Variants in LRRC27 observed in about 807,000 individuals in gnomAD.
LRRC27 encodes the protein leucine rich repeat containing 27, also known as leucine-rich repeat-containing protein 27.
In LRRC27, 57 loss-of-function variants were observed where a neutral mutation model predicts 55.0. That is an observed-to-expected ratio of 1.04 (90% CI 0.84 to 1.29). The LOEUF is 1.29. Ranked by LOEUF, LRRC27 falls within the 50% of genes most tolerant of loss-of-function variation. The probability of loss-of-function intolerance (pLI) is 0.00; values close to 1 mark genes in which losing one functional copy is unlikely to be tolerated. For synonymous variants in LRRC27, 278 were observed against 251.9 expected, an observed-to-expected ratio of 1.10 and a Z score of -0.98; for missense variants, 721 against 651.5, an observed-to-expected ratio of 1.11 and a Z score of -1.16.
chr10:132,345,709 G>T (rs770725164), intron 5 of LRRC27, among the ~76,000 whole-genome samples: 42 of 152,296 alleles, frequency 2.8e-4, no homozygotes, highest in Non-Finnish European at 5.0e-4. Flanking sequence ...GGAGAGATAG[G>T]ACCAGGACCT....
rs2069337051 is a variant in LRRC27 at position 132,376,356 on chromosome 10, A to G, written c.*1114A>G. The stretch of plus-strand genomic sequence containing the variant: ...GCTTAGAGAGAAATGCATCACTTCC[A>G]AACCCATGTATTAGAGAAGAAGGGC... On this transcript the variant is annotated 3_prime_UTR_variant, in exon 11 of 11. Coordinates refer to ENST00000368614, the MANE Select transcript of LRRC27 (RefSeq NM_030626.3). 2 of 152,242 alleles carry G rather than the reference A, an allele frequency of 1.3e-5. No homozygotes were observed. The highest frequency in any genetic ancestry group is 4.8e-5 in the African/African-American group (2 of 41,462). The allele number at this position is 152,242 out of a possible 1,614,324, so 9.4% of individuals were successfully genotyped here.
chr10:132,355,237 G>A (rs2497646), intron 7 of LRRC27, among the ~76,000 whole-genome samples: 23,124 of 152,052 alleles, frequency 0.15, 2,184 homozygotes, highest in Non-Finnish European at 0.22. Flanking sequence ...CACTACACCC[G>A]GCTAATTTTT....
chr10:132,331,396 C>T (rs1040171528), upstream of LRRC27: 4 of 1,569,498 alleles, frequency 2.5e-6, no homozygotes, highest in Non-Finnish European at 3.5e-6. Context: ...GTCATTTCAT[C>T]TTCTTCCAAA....
intron 2 of LRRC27, among the ~76,000 whole-genome samples, chr10:132,335,704 T>C (rs2067094717): frequency 6.6e-6 from 1 of 152,170 alleles, no homozygotes; most frequent in African/African-American, 2.4e-5. Flanking sequence ...ACGTTCCCTA[T>C]TGGTTGTTGG....
intron 6 of LRRC27, chr10:132,349,024 G>T: frequency 6.2e-7 from 1 of 1,609,846 alleles, no homozygotes; most frequent in Non-Finnish European, 8.5e-7. Context: ...TCGAATCATG[G>T]GCGTGGTAGG....
At chr10:132,361,418 T>G in intron 8 of LRRC27, 39 bp from the exon 9 acceptor site, 1 of 1,499,710 alleles carries the variant, frequency 6.7e-7, no homozygotes, top group Non-Finnish European at 9.3e-7. Flanking sequence ...AAACATCATC[T>G]ACTGGGATTC....
In LRRC27 at chr10:132,375,246, C is replaced by T. The variant is rs769606159; in HGVS notation, c.*4C>T. The T allele has an allele frequency of 1.9e-6, 3 of 1,610,332 alleles. No individual in the cohort carries two copies. Among genetic ancestry groups the T allele is most frequent in the Non-Finnish European group, 2.5e-6 (3 of 1,177,722 alleles). Reference sequence around the variant, plus strand: ...AAATGTTCGCAGATACCAGTGACACCAGGTGGCTGGACTGATGGAGACGTC... The same window carrying T: ...AAATGTTCGCAGATACCAGTGACACTAGGTGGCTGGACTGATGGAGACGTC... On this transcript the variant is annotated 3_prime_UTR_variant, in exon 11 of 11. Coordinates refer to ENST00000368614, the MANE Select transcript of LRRC27 (RefSeq NM_030626.3).
intron 7 of LRRC27, 92 bp from the exon 8 acceptor site, chr10:132,355,698 G>C: frequency 1.0e-6 from 1 of 958,056 alleles, no homozygotes; most frequent in Non-Finnish European, 1.6e-6. Context: ...CTGGAGACAG[G>C]TGCACCGCAA....
rs887563226 is a variant in LRRC27, at chr10:132,376,782, G to A, written c.*1540G>A. The A allele has an allele frequency of 6.6e-6, 1 of 152,268 alleles. No homozygotes were observed. The highest frequency in any genetic ancestry group is 2.4e-5 in the African/African-American group (1 of 41,452). The allele number at this position is 152,268 out of a possible 1,614,324, so 9.4% of individuals were successfully genotyped here. A position where few individuals can be genotyped will look rare whatever the true frequency, so the allele number is the denominator to read the frequency against. ...GGGTACATTGTTTTGTGTGTGTCAGGTGACATTGACTAATCCTGTTGCTCA... is the reference window on the plus strand; with the variant it reads ...GGGTACATTGTTTTGTGTGTGTCAGATGACATTGACTAATCCTGTTGCTCA... On this transcript the variant is annotated 3_prime_UTR_variant, in exon 11 of 11. Transcript: ENST00000368614.
intron 7 of LRRC27, among the ~76,000 whole-genome samples, chr10:132,353,678 G>A (rs2068174047): frequency 6.6e-6 from 1 of 152,218 alleles, no homozygotes; most frequent in African/African-American, 2.4e-5. Context: ...ATCGCTGTGG[G>A]ACCAGGTCTT....
chr10:132,333,251 A>G (rs1241724264), intron 1 of LRRC27, among the ~76,000 whole-genome samples: 1 of 152,024 alleles, frequency 6.6e-6, no homozygotes, highest in Non-Finnish European at 1.5e-5. Context: ...CCAGGAGTTA[A>G]ATCTTGGAAC....
At position 132,348,697 on chromosome 10, in the gene LRRC27, G is replaced by A. The variant is rs1370903612; in HGVS notation, c.926+341G>A. The stretch of plus-strand genomic sequence containing the variant: ...TTAAAGGAGAAAGAATGGGCAGCAG[G>A]GAAAGGAGGAAAGAACAGTAAAAGT... On this transcript the variant is annotated intron_variant, in intron 6 of 10. Transcript: ENST00000368614. This position sits in a 1 kb window ranked among gnomAD's most constrained non-coding sequence, Gnocchi z 4.2. Among the ~76,000 whole-genome samples the A allele has an allele frequency of 6.6e-6, 1 of 152,218 alleles. No homozygotes were observed. Among genetic ancestry groups the A allele is most frequent in the African/African-American group, 2.4e-5 (1 of 41,452 alleles).
chr10:132,375,370 G>T lies in LRRC27; in HGVS notation c.*128G>T. Reference sequence around the variant, plus strand: ...GTGTTACCCTGAGGGCTGATTTCGCGCAGCCTGTTGTTTTCCTTAGACAGG... The same window carrying T: ...GTGTTACCCTGAGGGCTGATTTCGCTCAGCCTGTTGTTTTCCTTAGACAGG... On this transcript the variant is annotated 3_prime_UTR_variant, in exon 11 of 11. Coordinates refer to ENST00000368614, the MANE Select transcript of LRRC27 (RefSeq NM_030626.3). The T allele has an allele frequency of 1.3e-6, 1 of 767,012 alleles. No homozygotes were observed. Among genetic ancestry groups the T allele is most frequent in the Non-Finnish European group, 2.0e-6 (1 of 488,124 alleles). 47.5% of individuals were successfully genotyped at this position (767,012 alleles called of 1,614,324 possible). A position where few individuals can be genotyped will look rare whatever the true frequency, so the allele number is the denominator to read the frequency against.
chr10:132,336,772 A>C, intron 2 of LRRC27: 1 of 773,382 alleles, frequency 1.3e-6, no homozygotes, highest in Non-Finnish European at 2.4e-6. Flanking sequence ...ATTGTTCCGA[A>C]CATCTGTTTC....
rs556589600 is a variant in LRRC27, at chr10:132,349,264, A to G, written c.926+908A>G. Among the ~76,000 whole-genome samples the G allele has an allele frequency of 5.9e-5, 9 of 152,320 alleles. 1 individual carries two copies. In the East Asian group the frequency reaches 1.7e-3, roughly 29 times the overall value. ...AGGCCGCAGTGGTCTGTGGTCCCTC[A>G]GGCTCCACGCAGCGTCCAGCACGAG... On this transcript the variant is annotated intron_variant, in intron 6 of 10. Transcript: ENST00000368614.
upstream of LRRC27, among the ~76,000 whole-genome samples, chr10:132,331,149 C>A (rs2066699733): frequency 7.2e-6 from 1 of 138,628 alleles, no homozygotes; most frequent in Non-Finnish European, 1.5e-5. Context: ...CGCAGTGGGC[C>A]GAGATCGCGC....
intron 3 of LRRC27, among the ~76,000 whole-genome samples, chr10:132,338,054 G>A (rs1024556635): frequency 2.6e-5 from 4 of 152,204 alleles, no homozygotes; most frequent in East Asian, 1.9e-4. Context: ...GGTGGCTCAC[G>A]CGTGTAATCC....
In LRRC27 at chr10:132,366,520, G is replaced by A. The variant is rs192605112; in HGVS notation, c.1416+970G>A. On this transcript the variant is annotated intron_variant, in intron 10 of 10. Coordinates refer to ENST00000368614, the MANE Select transcript of LRRC27 (RefSeq NM_030626.3). ...AATGAAGGAAAGTGCTTTGCTGCCCGAACTGCTGCCTGGCCAGCCCATCCA... is the reference window on the plus strand; with the variant it reads ...AATGAAGGAAAGTGCTTTGCTGCCCAAACTGCTGCCTGGCCAGCCCATCCA... The A allele has an allele frequency of 3.8e-3, 602 of 157,328 alleles. 11 individuals carry two copies. The highest frequency in any genetic ancestry group is 1.3e-3 in the Non-Finnish European group (92 of 70,886). The allele number at this position is 157,328 out of a possible 1,614,324, so 9.7% of individuals were successfully genotyped here.
intron 5 of LRRC27, among the ~76,000 whole-genome samples, chr10:132,345,767 C>T (rs551746150): frequency 2.6e-5 from 4 of 152,110 alleles, no homozygotes; most frequent in South Asian, 2.1e-4. Flanking sequence ...CAGGCACAGC[C>T]GGAGCCAGGA....
Sources: allele counts gnomAD v4.1 joint callset (sites outside exome capture counted in the v4.1 genomes callset), GRCh38; gene constraint gnomAD v4.1.1; non-coding constraint Gnocchi (gnomAD v3.1); transcripts MANE v1.5; gene names NCBI Gene and HGNC (gene_info 2026-07-23, HGNC 2026-07-21).